Variants in LETM1 observed in about 807,000 individuals in gnomAD.
LETM1 encodes leucine zipper and EF-hand containing transmembrane protein 1.
In LETM1, 50 loss-of-function variants were observed where a neutral mutation model predicts 74.5. The observed-to-expected ratio is 0.67, with a 90% CI of 0.53 to 0.85. The LOEUF (loss-of-function observed/expected upper bound fraction) is 0.85, where lower values mean the gene tolerates loss of function less well. Among genes scored for constraint, LETM1 ranks in the 40% least tolerant of loss-of-function variants. LETM1 has a pLI of 0.00. For synonymous variants in LETM1, 446 were observed against 407.1 expected (o/e 1.10, Z -1.15); for missense variants, 824 against 967.8 (o/e 0.85, Z 1.97).
intron 3 of LETM1, among the ~76,000 whole-genome samples, chr4:1,837,962 TC>T (rs1242701104): frequency 6.6e-6 from 1 of 151,968 alleles, no homozygotes; most frequent in Non-Finnish European, 1.5e-5. Flanking sequence ...AGCACTGGCC[TC>T]CCAAAGTGCT....
intron 1 of LETM1, among the ~76,000 whole-genome samples, chr4:1,854,012 C>T (rs982468962): frequency 6.6e-6 from 1 of 152,098 alleles, no homozygotes; most frequent in African/African-American, 2.4e-5. Context: ...ATAATAAGCA[C>T]GAAGTGTTAA....
intron 6 of LETM1, among the ~76,000 whole-genome samples, chr4:1,828,778 C>G (rs866235281): frequency 1.4e-5 from 2 of 146,270 alleles, no homozygotes; most frequent in South Asian, 4.3e-4. Flanking sequence ...GCGCCCCCCA[C>G]CCCCCGGACG....
chr4:1,827,173 G>C (rs549635763), intron 6 of LETM1, among the ~76,000 whole-genome samples: 34 of 152,206 alleles, frequency 2.2e-4, no homozygotes, highest in Admixed American at 7.8e-4. Context: ...CTTTAGGGGA[G>C]GTCTGCTGGT....
At chr4:1,826,995 AC>A (rs1712013730) in intron 6 of LETM1, among the ~76,000 whole-genome samples, 4 of 151,976 alleles carry the variant, frequency 2.6e-5, no homozygotes, top group Admixed American at 2.6e-4. Context: ...CGTCGCCTCC[AC>A]CCACACCGTG....
intron 1 of LETM1, among the ~76,000 whole-genome samples, chr4:1,851,457 G>A (rs1219857348): frequency 6.6e-6 from 1 of 152,160 alleles, no homozygotes; most frequent in Non-Finnish European, 1.5e-5. Context: ...CATTTAACAG[G>A]AGGCAACTCT....
chr4:1,818,844 G>A (rs1334329961), intron 11 of LETM1, among the ~76,000 whole-genome samples: 2 of 152,074 alleles, frequency 1.3e-5, no homozygotes, highest in African/African-American at 4.8e-5. Flanking sequence ...CACTTTGAGA[G>A]GGCGAGGCAG....
intron 10 of LETM1, among the ~76,000 whole-genome samples, chr4:1,820,492 A>C (rs1711739468): frequency 6.6e-6 from 1 of 152,172 alleles, no homozygotes; most frequent in Non-Finnish European, 1.5e-5. Flanking sequence ...GAAACCCCCA[A>C]GCTGATGCTG....
At chr4:1,829,769 G>A (rs1333244509) in intron 6 of LETM1, among the ~76,000 whole-genome samples, 2 of 152,214 alleles carry the variant, frequency 1.3e-5, no homozygotes, top group African/African-American at 4.8e-5. Context: ...ACAGTGAGTT[G>A]AGATTGTGCC....
intron 1 of LETM1, among the ~76,000 whole-genome samples, chr4:1,854,215 C>T (rs1157766186): frequency 6.6e-6 from 1 of 152,212 alleles, no homozygotes; most frequent in Admixed American, 6.5e-5. Context: ...GGCGAGGTGG[C>T]TCACGCCTGT....
At chr4:1,833,298 G>A (rs138948579) in intron 5 of LETM1, 3 of 295,304 alleles carry the variant, frequency 1.0e-5, no homozygotes, top group African/African-American at 2.2e-5. Flanking sequence ...TCAAATACCC[G>A]ACCTCAAGTC....
chr4:1,832,191 A>G (rs1712297098), intron 6 of LETM1, among the ~76,000 whole-genome samples: 1 of 151,940 alleles, frequency 6.6e-6, no homozygotes, highest in Non-Finnish European at 1.5e-5. Context: ...AATCCCAGCT[A>G]CTCTGGAGGC....
intron 6 of LETM1, among the ~76,000 whole-genome samples, chr4:1,826,696 C>T (rs185791206): frequency 6.6e-6 from 1 of 152,390 alleles, no homozygotes; most frequent in African/African-American, 2.4e-5. Flanking sequence ...CCCTCCTTAG[C>T]CGAACCCTTC....
chr4:1,837,327 A>G (rs774338081), intron 3 of LETM1, among the ~76,000 whole-genome samples: 9 of 152,082 alleles, frequency 5.9e-5, no homozygotes, highest in East Asian at 1.9e-4. Context: ...GCGCTCATTG[A>G]GCCAGCCTCC....
chr4:1,815,664 C>T lies in LETM1; in HGVS notation c.2070G>A (p.Lys690=). 1.2e-6 allele frequency: 2 copies of T among 1,614,138 alleles called. No individual in the cohort carries two copies. The highest frequency in any genetic ancestry group is 1.7e-6 in the Non-Finnish European group (2 of 1,179,982). ...DGKVNIDDLV[K]VIELVDKEDV... Reference sequence around the variant, plus strand: ...CTGCGTGGTCCCCAGCGAGGCCCACCTTGACGAGGTCGTCGATGTTGACCT... The same window carrying T: ...CTGCGTGGTCCCCAGCGAGGCCCACTTTGACGAGGTCGTCGATGTTGACCT... The change falls in exon 13 of 14, where the codon AAG becomes AAA. Residue 690 remains lysine, a splice_region_variant and synonymous_variant. Coordinates refer to ENST00000302787, the MANE Select transcript of LETM1 (RefSeq NM_012318.3).
At chr4:1,842,384 C>A (rs988380782) in intron 2 of LETM1, among the ~76,000 whole-genome samples, 1 of 152,242 alleles carries the variant, frequency 6.6e-6, no homozygotes, top group East Asian at 1.9e-4. Context: ...CCTCTACCCA[C>A]CTGCCCACTC....
chr4:1,816,587 TG>T, intron 12 of LETM1, 139 bp downstream of exon 12: 1 of 743,366 alleles, frequency 1.3e-6, no homozygotes, highest in Non-Finnish European at 2.2e-6. Context: ...CTGGGACTGC[TG>T]GTCAAAGGTG....
intron 5 of LETM1, 121 bp from the exon 6 acceptor site, chr4:1,833,068 T>C: frequency 2.5e-6 from 2 of 791,046 alleles, no homozygotes; most frequent in South Asian, 3.4e-5. Flanking sequence ...CACTGACTAC[T>C]TCTTCTTTTT....
intron 6 of LETM1, 83 bp downstream of exon 6, chr4:1,832,661 A>G: frequency 7.4e-7 from 1 of 1,352,982 alleles, no homozygotes; most frequent in Non-Finnish European, 1.1e-6. Flanking sequence ...CAGAGTTTCT[A>G]CAATGAGGAC....
At chr4:1,849,520 G>A (rs1299026987) in intron 1 of LETM1, among the ~76,000 whole-genome samples, 3 of 152,052 alleles carry the variant, frequency 2.0e-5, no homozygotes, top group Non-Finnish European at 4.4e-5. Context: ...CGCCCGCCTT[G>A]GCCTCCCAAA....
Sources: gnomAD v4.1 joint callset for allele counts (sites outside exome capture counted in the v4.1 genomes callset) on GRCh38, gnomAD v4.1.1 for gene constraint, MANE v1.5 for transcripts, NCBI Gene and HGNC (gene_info 2026-07-23, HGNC 2026-07-21) for gene names.